Variants in CSTL1 observed in about 807,000 individuals in gnomAD.
The protein encoded by CSTL1 is cystatin like 1, also known as cystatin-like 1.
CSTL1 carries 14 observed loss-of-function variants against 14.4 expected under a neutral mutation model. The ratio of observed to expected loss-of-function variants is 0.97; its 90% CI spans 0.64 to 1.52. CSTL1 has a LOEUF of 1.52. Ranked by LOEUF, CSTL1 falls within the 40% of genes most tolerant of loss-of-function variation. The pLI, the probability that CSTL1 is intolerant of heterozygous loss-of-function variation, is 0.00. For synonymous variants in CSTL1, 72 were observed against 67.5 expected (o/e 1.07, Z -0.33); for missense variants, 170 against 168.7 (o/e 1.01, Z -0.04).
At chr20:23,455,670 G>C in the CSTL1 span, among the ~76,000 whole-genome samples, 27 of 152,348 alleles carry the variant, frequency 1.8e-4, no homozygotes, top group African/African-American at 6.0e-4. Context: ...ACTTGTGTCA[G>C]TGCAAACATG....
downstream of CSTL1, among the ~76,000 whole-genome samples, chr20:23,449,206 A>C (rs2123322538): frequency 6.6e-6 from 1 of 152,274 alleles, no homozygotes; most frequent in East Asian, 1.9e-4. Context: ...TGTGCATGCC[A>C]GCTTGACTTC....
chr20:23,450,550 A>G, the CSTL1 span: 37 of 1,612,476 alleles, frequency 2.3e-5, no homozygotes, highest in Non-Finnish European at 3.1e-5. Flanking sequence ...TACTGTTCAA[A>G]CCAGGGTACA....
At chr20:23,457,638 A>C in the CSTL1 span, 1 of 152,094 alleles carries the variant, frequency 6.6e-6, no homozygotes, top group Non-Finnish European at 1.5e-5. Flanking sequence ...GGAATCTGTA[A>C]CTGTTTGTGA....
At chr20:23,440,109 A>C in intron 1 of CSTL1, 35 bp from the exon 2 acceptor site, 2 of 681,912 alleles carry the variant, frequency 2.9e-6, no homozygotes, top group East Asian at 5.5e-5. Context: ...AAACTGAGTG[A>C]CAAGGTTCAG....
At chr20:23,450,506 C>T in the CSTL1 span, 1 of 1,609,086 alleles carries the variant, frequency 6.2e-7, no homozygotes, top group African/African-American at 1.3e-5. Flanking sequence ...TCCAGGACAC[C>T]TAGTCACTGC....
downstream of CSTL1, among the ~76,000 whole-genome samples, chr20:23,445,582 G>A (rs773727903): frequency 4.8e-4 from 73 of 152,296 alleles, no homozygotes; most frequent in South Asian, 1.0e-3. Context: ...AGAACAGAAT[G>A]TTCATAATCA....
rs1421404431 is a variant in CSTL1 at position 23,444,028 on chromosome 20, G to T, written c.314G>T (p.Ser105Ile). ...DTSNSSCPLQSKKLRKSLICE... is the reference protein window; with the variant it reads ...DTSNSSCPLQIKKLRKSLICE... ...AGCAATTCTTCCTGCCCCCTGCAAA[G>T]CAAGAAGCTGAGAAAGGTGTGTAGT... Residue 105 changes from serine to isoleucine, a missense_variant, in exon 3 of 4, where the codon AGC becomes ATC. By Grantham distance (142) the Ser-to-Ile change is moderately radical. Coordinates refer to ENST00000347397, the MANE Select transcript of CSTL1 (RefSeq NM_138283.1). 1 of 1,613,936 alleles carries T rather than the reference G, an allele frequency of 6.2e-7. No individual in the cohort carries two copies. The highest frequency in any genetic ancestry group is 1.1e-5 in the South Asian group (1 of 91,076).
At chr20:23,448,803 C>G (rs936333407), downstream of CSTL1, among the ~76,000 whole-genome samples, 1 of 152,192 alleles carries the variant, frequency 6.6e-6, no homozygotes, top group Non-Finnish European at 1.5e-5. Flanking sequence ...CCACTGCCAG[C>G]ATTCTTCCTA....
chr20:23,458,049 C>T, the CSTL1 span, among the ~76,000 whole-genome samples: 1 of 152,112 alleles, frequency 6.6e-6, no homozygotes, highest in Non-Finnish European at 1.5e-5. Flanking sequence ...ATCTATGGGT[C>T]CATGGATTAA....
At chr20:23,452,883 A>G in the CSTL1 span, 2 of 1,223,740 alleles carry the variant, frequency 1.6e-6, no homozygotes, top group Non-Finnish European at 1.2e-6. Flanking sequence ...CACTGACCCT[A>G]CCTGCCCTGG....
At chr20:23,455,990 C>G in the CSTL1 span, among the ~76,000 whole-genome samples, 5 of 152,114 alleles carry the variant, frequency 3.3e-5, no homozygotes, top group Non-Finnish European at 5.9e-5. Flanking sequence ...AACTCTTCTC[C>G]AAGCCCAAAT....
chr20:23,452,929 GCTCTC>G, the CSTL1 span: 1 of 712,724 alleles, frequency 1.4e-6, no homozygotes, highest in Non-Finnish European at 2.4e-6. Flanking sequence ...GACACCCACA[GCTCTC>G]CTCTCCTCCT....
the CSTL1 span, chr20:23,450,705 A>G: frequency 1.6e-6 from 1 of 610,270 alleles, no homozygotes; most frequent in South Asian, 2.4e-5. Flanking sequence ...CCACCCCTAC[A>G]ATCCTATTTG....
intron 2 of CSTL1, among the ~76,000 whole-genome samples, chr20:23,443,691 A>G (rs6076075): frequency 0.9 from 137,752 of 152,242 alleles, 62,518 homozygotes; most frequent in East Asian, 1. Context: ...AGGATGGAAC[A>G]GAGGCAGGTG....
chr20:23,459,473 T>C, the CSTL1 span: 6 of 152,238 alleles, frequency 3.9e-5, no homozygotes, highest in African/African-American at 1.2e-4. Context: ...GTTGTTGTTA[T>C]TATCATTTGT....
At chr20:23,445,324 T>C (rs1437471256), downstream of CSTL1, among the ~76,000 whole-genome samples, 1 of 151,030 alleles carries the variant, frequency 6.6e-6, no homozygotes, top group Non-Finnish European at 1.5e-5. Context: ...AAAGTGGAGC[T>C]CACTGAAGCC....
chr20:23,451,859 G>A, the CSTL1 span: 3 of 1,614,008 alleles, frequency 1.9e-6, no homozygotes, highest in African/African-American at 4.0e-5. Flanking sequence ...CGTGGTCTCT[G>A]GCTTTTGGCA....
the CSTL1 span, among the ~76,000 whole-genome samples, chr20:23,454,404 AC>A: frequency 5.9e-5 from 9 of 151,420 alleles, no homozygotes; most frequent in Non-Finnish European, 1.0e-4. Flanking sequence ...ACATAGACAC[AC>A]CCCCCCACGC....
chr20:23,448,782 T>G (rs1221918436), downstream of CSTL1, among the ~76,000 whole-genome samples: 1 of 152,210 alleles, frequency 6.6e-6, no homozygotes, highest in Admixed American at 6.5e-5. Flanking sequence ...GGTATTAAAT[T>G]ACTACCACTG....
Sources: gnomAD v4.1 joint callset for allele counts (sites outside exome capture counted in the v4.1 genomes callset) on GRCh38, gnomAD v4.1.1 for gene constraint, MANE v1.5 for transcripts, NCBI Gene and HGNC (gene_info 2026-07-23, HGNC 2026-07-21) for gene names.